The following CAMK2A variants were observed in gnomAD, a reference collection of about 807,000 sequenced individuals.
CAMK2A encodes the protein calcium/calmodulin dependent protein kinase II alpha, also known as calcium/calmodulin-dependent protein kinase type II subunit alpha.
A neutral mutation model predicts 79.2 loss-of-function variants in CAMK2A; 7 were observed. The observed-to-expected ratio is 0.09, with a 90% CI of 0.05 to 0.17. The LOEUF (loss-of-function observed/expected upper bound fraction) is 0.17. Ranked by LOEUF, CAMK2A falls within the 10% of genes least tolerant of loss-of-function variation. The pLI is 1.00. For missense variants in CAMK2A, 214 were observed against 646.4 expected, an observed-to-expected ratio of 0.33 and a Z score of 7.25; for synonymous variants, 242 against 251.7, an observed-to-expected ratio of 0.96 and a Z score of 0.36.
chr5:150,229,424 G>A (rs1197155658), intron 16 of CAMK2A, among the ~76,000 whole-genome samples: 1 of 152,178 alleles, frequency 6.6e-6, no homozygotes, highest in Non-Finnish European at 1.5e-5. Flanking sequence ...AGGCACCTGG[G>A]TGTTCCTGCC....
intron 2 of CAMK2A, among the ~76,000 whole-genome samples, chr5:150,269,218 C>A (rs957112119): frequency 6.6e-6 from 1 of 150,902 alleles, no homozygotes; most frequent in Non-Finnish European, 1.5e-5. Context: ...TCTTGGGAAC[C>A]TTTTTGCTTC....
intron 9 of CAMK2A, 62 bp from the exon 10 acceptor site, chr5:150,250,872 AG>A: frequency 6.3e-7 from 1 of 1,584,710 alleles, no homozygotes; most frequent in Non-Finnish European, 8.6e-7. Flanking sequence ...GCGATCCCCC[AG>A]CCCCTGACTG....
chr5:150,222,883 G>T, intron 18 of CAMK2A, 106 bp downstream of exon 18: 1 of 1,397,058 alleles, frequency 7.2e-7, no homozygotes, highest in Non-Finnish European at 1.0e-6. Flanking sequence ...ACCCCACTCT[G>T]CAGCCTTTCA....
intron 1 of CAMK2A, 28 bp from the exon 2 acceptor site, chr5:150,273,187 T>A: frequency 6.5e-7 from 1 of 1,544,726 alleles, no homozygotes; most frequent in Non-Finnish European, 8.9e-7. Context: ...GTGGAGAGGG[T>A]GAGGGAATGC....
chr5:150,281,009 C>T (rs904705044), intron 1 of CAMK2A, among the ~76,000 whole-genome samples: 4 of 152,220 alleles, frequency 2.6e-5, no homozygotes, highest in African/African-American at 9.6e-5. Flanking sequence ...ATCAGCTCTG[C>T]AAAGCAGTCC....
chr5:150,258,060 A>G (rs1232659712), intron 3 of CAMK2A, among the ~76,000 whole-genome samples: 1 of 152,250 alleles, frequency 6.6e-6, no homozygotes, highest in African/African-American at 2.4e-5. Flanking sequence ...TGAGAGTTCC[A>G]GGAGGCATGC....
chr5:150,225,479 G>A (rs1754557143), intron 17 of CAMK2A, among the ~76,000 whole-genome samples: 1 of 152,210 alleles, frequency 6.6e-6, no homozygotes, highest in African/African-American at 2.4e-5. Flanking sequence ...CCAGCACTAA[G>A]ATGGGGCCCG....
At position 150,222,567 on chromosome 5, in the gene CAMK2A, T is replaced by C; in HGVS notation, c.*143A>G. On this transcript the variant is annotated 3_prime_UTR_variant, in exon 19 of 19. Coordinates refer to ENST00000671881, the MANE Select transcript of CAMK2A (RefSeq NM_015981.4). ...GACTTTTGTGAACAAGCAGGTTTTC[T>C]TGATGCAGGTACAGAAGTGACGGTG... The C allele has an allele frequency of 1.1e-6, 1 of 914,178 alleles. No individual in the cohort carries two copies. The highest frequency in any genetic ancestry group is 2.5e-5 in the East Asian group (1 of 39,786). 56.6% of individuals were successfully genotyped at this position (914,178 alleles called of 1,614,324 possible).
chr5:150,230,243 G>A (rs985462507), intron 16 of CAMK2A, among the ~76,000 whole-genome samples: 12 of 150,942 alleles, frequency 8.0e-5, no homozygotes, highest in Non-Finnish European at 1.2e-4. Context: ...ACTTGAACCC[G>A]GGAGACGGAG....
chr5:150,241,455 C>T (rs75310049), intron 13 of CAMK2A, among the ~76,000 whole-genome samples: 2,688 of 138,078 alleles, frequency 0.019, 115 homozygotes, highest in African/African-American at 0.068. Context: ...TCTTTTACTC[C>T]GTTCCCTCGC....
chr5:150,284,776 C>A lies in CAMK2A; in HGVS notation c.62+4788G>T, dbSNP rs973325679. ...CTCTCTCCTGTGGCCTTGGACAAAC[C>A]ACTTCTCTCTGAGTGTTGGCTCCCA... is the stretch of plus-strand genomic sequence containing the variant. On this transcript the variant is annotated intron_variant, in intron 1 of 18. Coordinates refer to ENST00000671881, the MANE Select transcript of CAMK2A (RefSeq NM_015981.4). The surrounding 1 kb of genome is among the most constrained non-coding windows in gnomAD (Gnocchi z 5.3). 6.6e-6 allele frequency among the ~76,000 whole-genome samples: 1 copy of A among 152,120 alleles called. No homozygotes were observed. The highest frequency in any genetic ancestry group is 1.5e-5 in the Non-Finnish European group (1 of 68,006).
At chr5:150,268,200 C>A (rs1023462232) in intron 2 of CAMK2A, among the ~76,000 whole-genome samples, 1 of 152,102 alleles carries the variant, frequency 6.6e-6, no homozygotes, top group Admixed American at 6.5e-5. Flanking sequence ...TCAATTAAAT[C>A]CTGTCCCTCC....
At chr5:150,236,693 C>A (rs1342290706) in intron 15 of CAMK2A, among the ~76,000 whole-genome samples, 1 of 152,196 alleles carries the variant, frequency 6.6e-6, no homozygotes, top group African/African-American at 2.4e-5. Context: ...TATCACTGGG[C>A]AGCTAGCCTC....
chr5:150,239,839 G>A (rs1755260813), intron 13 of CAMK2A, 103 bp from the exon 14 acceptor site: 12 of 968,176 alleles, frequency 1.2e-5, no homozygotes, highest in Admixed American at 3.5e-5. Flanking sequence ...ATGGGCCTCG[G>A]GGTCATCCTC....
chr5:150,274,252 T>TG (rs1362229776), intron 1 of CAMK2A, among the ~76,000 whole-genome samples: 1 of 152,210 alleles, frequency 6.6e-6, no homozygotes, highest in Non-Finnish European at 1.5e-5. Flanking sequence ...TAAGAGAACT[T>TG]GGGGCAAGGT....
rs146107894 is a variant in CAMK2A at position 150,249,839 on chromosome 5, C to T, written c.900+387G>A. Among the ~76,000 whole-genome samples the T allele has an allele frequency of 2.0e-4, 30 of 152,268 alleles. 1 individual carries two copies. Among genetic ancestry groups the T allele is most frequent in the African/African-American group, 6.3e-4 (26 of 41,540 alleles). On this transcript the variant is annotated intron_variant, in intron 11 of 18. Transcript: ENST00000671881. ...TTGGGATTACAGGCATGAGTCACTG[C>T]GCCCGGCCACACTTTCCCATTCTGA...
At chr5:150,279,470 A>G (rs1757119505) in intron 1 of CAMK2A, among the ~76,000 whole-genome samples, 1 of 152,210 alleles carries the variant, frequency 6.6e-6, no homozygotes, top group Non-Finnish European at 1.5e-5. Flanking sequence ...GGATTCAATG[A>G]GATAATAAGG....
chr5:150,223,135 G>A lies in CAMK2A; in HGVS notation c.1320C>T (p.Ile440=), dbSNP rs200745191. The A allele has an allele frequency of 1.9e-3, 3,085 of 1,614,144 alleles. 5 individuals are homozygous for A. Among genetic ancestry groups the A allele is most frequent in the Non-Finnish European group, 2.4e-3 (2,832 of 1,180,038 alleles). The change falls in exon 18 of 19, where the codon ATC becomes ATT. Residue 440 remains isoleucine (I), a synonymous_variant. Coordinates refer to ENST00000671881, the MANE Select transcript of CAMK2A (RefSeq NM_015981.4). The surrounding 1 kb of genome is among the most constrained non-coding windows in gnomAD (Gnocchi z 4.1). Reference sequence around the variant, plus strand: ...GGTACTGCGTGATGCGGATGTAGGCGATGCAGGCTGACTCGTCGCCCATCA... The same window carrying A: ...GGTACTGCGTGATGCGGATGTAGGCAATGCAGGCTGACTCGTCGCCCATCA... ...IHLMGDESAC[I]AYIRITQYLD...
intron 3 of CAMK2A, among the ~76,000 whole-genome samples, chr5:150,258,527 A>G (rs530087929): frequency 3.7e-4 from 56 of 152,356 alleles, no homozygotes; most frequent in Non-Finnish European, 6.9e-4. Context: ...CTTGGTGAAA[A>G]AGCAAAGTGC....
Sources: allele counts gnomAD v4.1 joint callset (sites outside exome capture counted in the v4.1 genomes callset), GRCh38; gene constraint gnomAD v4.1.1; non-coding constraint Gnocchi (gnomAD v3.1); transcripts MANE v1.5; gene names NCBI Gene and HGNC (gene_info 2026-07-23, HGNC 2026-07-21).